The following PAM variants were observed in gnomAD, a reference collection of about 807,000 sequenced individuals.
The protein encoded by PAM is peptidylglycine alpha-amidating monooxygenase, also known as peptidyl-glycine alpha-amidating monooxygenase.
A neutral mutation model predicts 122.1 loss-of-function variants in PAM; 72 were observed. The observed-to-expected ratio is 0.59, with a 90% CI of 0.49 to 0.72. The LOEUF (loss-of-function observed/expected upper bound fraction) is 0.72, where lower values mean the gene tolerates loss of function less well. PAM is among the 30% of genes least tolerant of loss of function. PAM has a pLI of 0.00. For synonymous variants in PAM, 389 were observed against 404.4 expected (o/e 0.96, Z 0.46); for missense variants, 1,106 against 1,183.7 (o/e 0.93, Z 0.96).
At chr5:102,782,737 G>C (rs1029189776) in intron 1 of PAM, among the ~76,000 whole-genome samples, 9 of 151,078 alleles carry the variant, frequency 6.0e-5, no homozygotes, top group Non-Finnish European at 7.4e-5. Flanking sequence ...GTGTGTGTGT[G>C]TGTGTGTGTG....
intron 18 of PAM, among the ~76,000 whole-genome samples, chr5:103,006,430 ACAT>A (rs1400584350): frequency 1.3e-5 from 2 of 152,268 alleles, no homozygotes; most frequent in African/African-American, 4.8e-5. Context: ...AACTTGGAAA[ACAT>A]CATCTCAGTA....
intron 1 of PAM, among the ~76,000 whole-genome samples, chr5:102,808,605 T>C (rs1766918516): frequency 6.6e-6 from 1 of 152,244 alleles, no homozygotes; most frequent in South Asian, 2.1e-4. Flanking sequence ...GTATATTGTA[T>C]TGGCATTTGA....
In PAM at chr5:102,926,669, G is replaced by A. The variant is rs1490709523; in HGVS notation, c.526+1G>A. 1 of 1,541,810 alleles carries A rather than the reference G, an allele frequency of 6.5e-7. No individual in the cohort carries two copies. The highest frequency in any genetic ancestry group is 1.4e-5 in the African/African-American group (1 of 73,634). On this transcript the variant is annotated splice_donor_variant, in intron 7 of 25. Coordinates refer to ENST00000438793, the MANE Select transcript of PAM (RefSeq NM_001177306.2). LOFTEE classifies it high-confidence loss of function. ...TATGGGGATATTAGTGCTTTTAGAGGTAAGTTTTGAAGTGTTGGAACTAAG... is the reference window on the plus strand; with the variant it reads ...TATGGGGATATTAGTGCTTTTAGAGATAAGTTTTGAAGTGTTGGAACTAAG...
intron 1 of PAM, among the ~76,000 whole-genome samples, chr5:102,789,360 G>A (rs148446485): frequency 1.8e-3 from 271 of 152,186 alleles, no homozygotes; most frequent in African/African-American, 6.3e-3. Flanking sequence ...AGCATTATTC[G>A]TAATAGCCAA....
chr5:103,011,674 C>G (rs1780685473), intron 21 of PAM, among the ~76,000 whole-genome samples: 1 of 152,136 alleles, frequency 6.6e-6, no homozygotes, highest in East Asian at 1.9e-4. Flanking sequence ...TTGATGGACT[C>G]TTAGGTTGCT....
In PAM at chr5:102,883,369, T is replaced by C. The variant is rs139786106; in HGVS notation, c.210+15976T>C. ...AGCATGGGCTGTGTTTCCATTTGTT[T>C]GTGTCACCTATGATTTCTTTCAGCA... On this transcript the variant is annotated intron_variant, in intron 3 of 25. Transcript: ENST00000438793. Among the ~76,000 whole-genome samples the C allele has an allele frequency of 2.0e-3, 309 of 152,200 alleles. 6 individuals carry two copies. Among genetic ancestry groups the C allele is most frequent in the East Asian group, 6.8e-3 (35 of 5,182 alleles).
intron 16 of PAM, among the ~76,000 whole-genome samples, chr5:102,999,955 C>T (rs967840441): frequency 4.6e-5 from 7 of 152,204 alleles, no homozygotes; most frequent in Non-Finnish European, 1.0e-4. Flanking sequence ...TAACTTTTGG[C>T]TCCTCGTTAC....
intron 3 of PAM, among the ~76,000 whole-genome samples, chr5:102,877,199 T>C (rs1367442962): frequency 6.6e-6 from 1 of 152,234 alleles, no homozygotes; most frequent in Admixed American, 6.5e-5. Flanking sequence ...AGTAAATTAA[T>C]ATGTGTAAAA....
At chr5:103,014,547 A>C (rs150115637) in intron 21 of PAM, among the ~76,000 whole-genome samples, 233 of 152,342 alleles carry the variant, frequency 1.5e-3, no homozygotes, top group African/African-American at 5.3e-3. Flanking sequence ...TTTTGGGTGA[A>C]GGAAATAATA....
intron 4 of PAM, among the ~76,000 whole-genome samples, chr5:102,908,204 C>T (rs1356615364): frequency 2.0e-5 from 3 of 151,878 alleles, no homozygotes; most frequent in African/African-American, 4.8e-5. Context: ...TAGCCAGTTT[C>T]CCCAGCACCA....
intron 15 of PAM, among the ~76,000 whole-genome samples, chr5:102,989,486 G>A (rs1474535840): frequency 6.6e-6 from 1 of 152,136 alleles, no homozygotes; most frequent in Non-Finnish European, 1.5e-5. Flanking sequence ...CAGCCTGGGT[G>A]ACAGAGTGAG....
chr5:102,999,850 T>A (rs1346749862), intron 16 of PAM, among the ~76,000 whole-genome samples: 2 of 152,128 alleles, frequency 1.3e-5, no homozygotes, highest in Non-Finnish European at 2.9e-5. Context: ...AGCCAAACCA[T>A]TTTTTCCTCC....
At chr5:103,028,146 C>T in intron 24 of PAM, 39 bp from the exon 25 acceptor site, 1 of 1,545,144 alleles carries the variant, frequency 6.5e-7, no homozygotes, top group South Asian at 1.1e-5. Flanking sequence ...AGAAAGATGA[C>T]TGGGACTCAT....
intron 16 of PAM, among the ~76,000 whole-genome samples, chr5:102,992,897 C>A (rs1445756563): frequency 6.6e-6 from 1 of 152,096 alleles, no homozygotes; most frequent in Non-Finnish European, 1.5e-5. Flanking sequence ...AAGATGTGAT[C>A]ATTCTTTAAA....
At chr5:102,764,246 G>A (rs1450758149) in intron 1 of PAM, among the ~76,000 whole-genome samples, 2 of 151,466 alleles carry the variant, frequency 1.3e-5, no homozygotes, top group Non-Finnish European at 2.9e-5. Flanking sequence ...GGGAGTGACA[G>A]ATAATCATTA....
chr5:103,014,620 A>AG (rs960890111), intron 21 of PAM, among the ~76,000 whole-genome samples: 1 of 152,126 alleles, frequency 6.6e-6, no homozygotes, highest in Non-Finnish European at 1.5e-5. Flanking sequence ...GTTTTACATA[A>AG]GGGGGTTGTG....
At chr5:102,849,530 C>T (rs553387907) in intron 1 of PAM, among the ~76,000 whole-genome samples, 6 of 146,430 alleles carry the variant, frequency 4.1e-5, no homozygotes, top group African/African-American at 1.5e-4. Context: ...TGCACTCCAG[C>T]CTGGGTGACA....
chr5:102,768,396 AT>A (rs1243146393), intron 1 of PAM, among the ~76,000 whole-genome samples: 3 of 152,134 alleles, frequency 2.0e-5, no homozygotes, highest in Non-Finnish European at 4.4e-5. Flanking sequence ...TTATATTCTC[AT>A]TGACTACAGT....
chr5:102,965,233 T>A (rs191303305), intron 14 of PAM, among the ~76,000 whole-genome samples: 2 of 150,496 alleles, frequency 1.3e-5, no homozygotes, highest in East Asian at 1.9e-4. Context: ...TTTAGAAAAC[T>A]AACACATTTT....
Sources: allele counts gnomAD v4.1 joint callset (sites outside exome capture counted in the v4.1 genomes callset), GRCh38; gene constraint gnomAD v4.1.1; transcripts MANE v1.5; gene names NCBI Gene and HGNC (gene_info 2026-07-23, HGNC 2026-07-21).